COL5A2: variants seen among roughly 807,000 people sequenced by gnomAD.
The protein encoded by COL5A2 is collagen alpha-2(V) chain.
A neutral mutation model predicts 208.2 loss-of-function variants in COL5A2; 23 were observed. The observed-to-expected ratio is 0.11, with a 90% confidence interval of 0.08 to 0.16. The LOEUF (loss-of-function observed/expected upper bound fraction) is 0.16, where lower values mean the gene tolerates loss of function less well. COL5A2 is among the 10% of genes least tolerant of loss of function. The pLI, the probability that COL5A2 is intolerant of heterozygous loss-of-function variation, is 1.00. For missense variants in COL5A2, 1,590 were observed against 1,956.4 expected (o/e 0.81, Z 3.53); for synonymous variants, 625 against 628.5 (o/e 0.99, Z 0.08).
chr2:189,233,606 T>C, the COL5A2 span, among the ~76,000 whole-genome samples: 2 of 151,908 alleles, frequency 1.3e-5, no homozygotes, highest in South Asian at 4.1e-4. Context: ...TTTTCTTTAA[T>C]GGAGTTTATT....
chr2:189,423,919 A>T, the COL5A2 span, among the ~76,000 whole-genome samples: 1 of 152,110 alleles, frequency 6.6e-6, no homozygotes. Flanking sequence ...ACAGGCCAAC[A>T]TCCCTGAGGA....
chr2:189,046,899 G>A (rs1685680855), intron 45 of COL5A2, among the ~76,000 whole-genome samples: 2 of 152,024 alleles, frequency 1.3e-5, no homozygotes, highest in Non-Finnish European at 2.9e-5. Context: ...CAAGGCGGCC[G>A]GATCATGAGG....
At chr2:189,063,914 T>C in intron 26 of COL5A2, 66 bp downstream of exon 26, 4 of 1,244,432 alleles carry the variant, frequency 3.2e-6, no homozygotes, top group South Asian at 1.2e-5. Context: ...CCTAAATAAA[T>C]ATCATTTAAG....
the COL5A2 span, among the ~76,000 whole-genome samples, chr2:189,315,123 C>T: frequency 6.6e-6 from 1 of 151,904 alleles, no homozygotes; most frequent in Non-Finnish European, 1.5e-5. Flanking sequence ...AGAGATACAA[C>T]AAAAAAAGAA....
the COL5A2 span, among the ~76,000 whole-genome samples, chr2:189,258,628 T>C: frequency 1.5e-4 from 23 of 152,142 alleles, no homozygotes; most frequent in East Asian, 9.6e-4. Flanking sequence ...AAATGAAAGA[T>C]TGTAAGGAAT....
chr2:189,329,843 A>G, the COL5A2 span, among the ~76,000 whole-genome samples: 1 of 152,170 alleles, frequency 6.6e-6, no homozygotes, highest in African/African-American at 2.4e-5. Flanking sequence ...CTTAGGTTGT[A>G]GTCAGAAGAG....
At chr2:189,428,605 G>A in the COL5A2 span, among the ~76,000 whole-genome samples, 5 of 151,934 alleles carry the variant, frequency 3.3e-5, no homozygotes. Flanking sequence ...GTGACAGAGT[G>A]AGACTCCGTC....
At chr2:189,422,632 C>CA in the COL5A2 span, among the ~76,000 whole-genome samples, 1 of 152,152 alleles carries the variant, frequency 6.6e-6, no homozygotes, top group African/African-American at 2.4e-5. Flanking sequence ...TGTTAGGCTA[C>CA]AAAACAAGTT....
Position 189,050,673 on chromosome 2 carries a change from G to T in COL5A2, c.2935C>A (p.Pro979Thr). 1 of 1,551,600 alleles carries T rather than the reference G, an allele frequency of 6.4e-7. No individual in the cohort carries two copies. Among genetic ancestry groups the T allele is most frequent in the Non-Finnish European group, 8.7e-7 (1 of 1,146,944 alleles). Reference protein sequence around the residue: ...GDPGEDGQPGPDGPPGPAGTT... With the variant: ...GDPGEDGQPGTDGPPGPAGTT... ...CCAGCTGGACCAGGGGGGCCATCTG[G>T]ACCCTAATGTTGAGGACAAACTAAA... Residue 979 changes from proline (P) to threonine (T), a missense_variant, in exon 43 of 54, where the codon CCA becomes ACA. Pro to Thr is a conservative substitution (Grantham distance 38). Transcript: ENST00000374866.
chr2:189,273,905 G>C, the COL5A2 span, among the ~76,000 whole-genome samples: 1 of 152,020 alleles, frequency 6.6e-6, no homozygotes, highest in African/African-American at 2.4e-5. Context: ...TTAGGGAGAA[G>C]GAGTAAGTTT....
the COL5A2 span, among the ~76,000 whole-genome samples, chr2:189,391,390 C>T: frequency 1.6e-4 from 25 of 152,002 alleles, no homozygotes; most frequent in African/African-American, 5.6e-4. Context: ...AAGTCTCCTC[C>T]GATGATGACA....
chr2:189,388,543 A>G, the COL5A2 span, among the ~76,000 whole-genome samples: 5 of 152,198 alleles, frequency 3.3e-5, no homozygotes, highest in South Asian at 1.0e-3. Context: ...AAATGGCGGG[A>G]TTTTGTACTA....
intron 1 of COL5A2, among the ~76,000 whole-genome samples, chr2:189,199,906 G>A (rs1689050255): frequency 6.6e-6 from 1 of 152,196 alleles, no homozygotes; most frequent in Admixed American, 6.5e-5. Context: ...TGCATCAACA[G>A]ACACTCTTGT....
the COL5A2 span, among the ~76,000 whole-genome samples, chr2:189,280,081 C>T: frequency 2.0e-5 from 3 of 152,228 alleles, no homozygotes; most frequent in South Asian, 6.2e-4. Flanking sequence ...GAGACCCTCA[C>T]CAGATACCAA....
the COL5A2 span, among the ~76,000 whole-genome samples, chr2:189,287,158 G>T: frequency 6.6e-6 from 1 of 151,482 alleles, no homozygotes; most frequent in Non-Finnish European, 1.5e-5. Flanking sequence ...AAATCTCAGA[G>T]TTCCATATAA....
At chr2:189,288,587 C>T in the COL5A2 span, among the ~76,000 whole-genome samples, 2 of 152,144 alleles carry the variant, frequency 1.3e-5, no homozygotes, top group East Asian at 1.9e-4. Flanking sequence ...AAAAGTTTTC[C>T]ATGAAAGAAA....
chr2:189,032,683 G>C lies in COL5A2; in HGVS notation c.*1387C>G, dbSNP rs950351253. The C allele has an allele frequency of 6.6e-6, 1 of 152,390 alleles. No homozygotes were observed. The highest frequency in any genetic ancestry group is 6.6e-5 in the Admixed American group (1 of 15,232). 9.4% of individuals were successfully genotyped at this position (152,390 alleles called of 1,614,324 possible). ...AAAAAAAAGTATTGAGACACAAGGG[G>C]ACCTACATGTTCTGGTCTAAGAAGC... On this transcript the variant is annotated 3_prime_UTR_variant, in exon 54 of 54. Transcript: ENST00000374866.
chr2:189,057,350 A>T lies in COL5A2; in HGVS notation c.2307T>A (p.Ile769=), dbSNP rs763068575. ...GLQGMPGERG[I]AGTPGPKGDR... ...CACCCTTGGGGCCAGGAGTTCCTGC[A>T]ATTCCTCTTTCTCCCGGCATACCTT... The change falls in exon 34 of 54, where the codon ATT becomes ATA. Residue 769 remains isoleucine, a synonymous_variant. Transcript: ENST00000374866. 2.7e-5 allele frequency: 43 copies of T among 1,609,920 alleles called. No homozygotes were observed. The Admixed American group carries it at 6.2e-4, about 23-fold the overall frequency.
chr2:189,107,291 T>G (rs904000894), intron 2 of COL5A2, among the ~76,000 whole-genome samples: 1 of 151,612 alleles, frequency 6.6e-6, no homozygotes, highest in Non-Finnish European at 1.5e-5. Context: ...CTACCAGAGC[T>G]AGTCTTAGTA....
Sources: allele counts gnomAD v4.1 joint callset (sites outside exome capture counted in the v4.1 genomes callset), GRCh38; gene constraint gnomAD v4.1.1; transcripts MANE v1.5; gene names NCBI Gene and HGNC (gene_info 2026-07-23, HGNC 2026-07-21).